Variants in L3MBTL3 observed in about 807,000 individuals in gnomAD.
The protein encoded by L3MBTL3 is lethal(3)malignant brain tumor-like protein 3.
Under a neutral mutation model 102.3 loss-of-function variants are expected in L3MBTL3, and 27 were observed. That is an observed-to-expected ratio of 0.26 (90% CI 0.19 to 0.36). The LOEUF (loss-of-function observed/expected upper bound fraction) is 0.36, where lower values mean the gene tolerates loss of function less well. Ranked by LOEUF, L3MBTL3 falls within the 10% of genes least tolerant of loss-of-function variation. L3MBTL3 has a pLI of 1.00. For missense variants in L3MBTL3, 798 were observed against 955.3 expected (o/e 0.84, Z 2.17); for synonymous variants, 340 against 320.9 (o/e 1.06, Z -0.64).
Position 130,055,168 on chromosome 6 carries a change from T to A in L3MBTL3, c.583-3T>A, listed in dbSNP as rs1781384475. On this transcript the variant is annotated splice_polypyrimidine_tract_variant and splice_region_variant and intron_variant, in intron 7 of 22. Transcript: ENST00000361794. ...AAGTCATAATTTTCCTTTCTTTTTGTAGGAGAACAAACAAGATGTAAGAAT... is the reference window on the plus strand; with the variant it reads ...AAGTCATAATTTTCCTTTCTTTTTGAAGGAGAACAAACAAGATGTAAGAAT... 1 of 1,612,402 alleles carries A rather than the reference T, an allele frequency of 6.2e-7. No homozygotes were observed. Among genetic ancestry groups the A allele is most frequent in the African/African-American group, 1.3e-5 (1 of 74,880 alleles).
chr6:130,020,464 T>C (rs1778922512), intron 1 of L3MBTL3: 1 of 151,944 alleles, frequency 6.6e-6, no homozygotes, highest in South Asian at 2.1e-4. Context: ...GCCCTGCGAT[T>C]CCCCCCTCCC....
intron 6 of L3MBTL3, among the ~76,000 whole-genome samples, chr6:130,052,111 CTT>C (rs374543945): frequency 4.8e-5 from 7 of 144,482 alleles, no homozygotes; most frequent in African/African-American, 1.3e-4. Flanking sequence ...TTTTCTTTTT[CTT>C]TTTTTTTTTT....
intron 18 of L3MBTL3, among the ~76,000 whole-genome samples, chr6:130,103,522 A>T (rs1784820457): frequency 6.6e-6 from 1 of 152,220 alleles, no homozygotes; most frequent in African/African-American, 2.4e-5. Flanking sequence ...CACTGAAGAA[A>T]AGAACATAGA....
intron 20 of L3MBTL3, among the ~76,000 whole-genome samples, chr6:130,129,655 T>C (rs1262994017): frequency 6.6e-6 from 1 of 152,210 alleles, no homozygotes; most frequent in Non-Finnish European, 1.5e-5. Context: ...TTCAGAAATA[T>C]AGAAAACTTC....
intron 13 of L3MBTL3, among the ~76,000 whole-genome samples, chr6:130,074,159 T>A (rs4429972): frequency 0.97 from 146,967 of 152,272 alleles, 71,189 homozygotes; most frequent in Middle Eastern, 1. Context: ...TTTGCTTTGA[T>A]TTGAATAGTA....
At chr6:130,083,742 A>G (rs1209455575) in intron 15 of L3MBTL3, 37 bp downstream of exon 15, 1 of 1,047,142 alleles carries the variant, frequency 9.5e-7, no homozygotes. Flanking sequence ...CGTGGATGAG[A>G]TCATTTATTT....
At chr6:130,062,590 C>T (rs1406795588) in intron 10 of L3MBTL3, among the ~76,000 whole-genome samples, 1 of 146,882 alleles carries the variant, frequency 6.8e-6, no homozygotes, top group Non-Finnish European at 1.5e-5. Context: ...AAATGGGGTC[C>T]TGCAATGTTG....
At chr6:130,064,896 A>G (rs1249549576) in intron 10 of L3MBTL3, among the ~76,000 whole-genome samples, 1 of 152,210 alleles carries the variant, frequency 6.6e-6, no homozygotes, top group Admixed American at 6.5e-5. Context: ...ACAAGGAACT[A>G]GAGGCTGTAA....
At chr6:130,114,354 A>G (rs1403140170) in intron 19 of L3MBTL3, among the ~76,000 whole-genome samples, 1 of 152,164 alleles carries the variant, frequency 6.6e-6, no homozygotes, top group African/African-American at 2.4e-5. Context: ...AATATCACCA[A>G]TTTCTGACTC....
intron 20 of L3MBTL3, 63 bp downstream of exon 20, chr6:130,121,021 T>G (rs1391808373): frequency 1.0e-6 from 1 of 967,694 alleles, no homozygotes; most frequent in Non-Finnish European, 1.6e-6. Context: ...AATCAAAGCC[T>G]TAACTGGAAT....
Position 130,052,851 on chromosome 6 carries a change from C to T in L3MBTL3, c.450-8C>T. 1.9e-6 allele frequency: 3 copies of T among 1,609,966 alleles called. No homozygotes were observed. The highest frequency in any genetic ancestry group is 2.5e-6 in the Non-Finnish European group (3 of 1,177,606). ...CTTGTCACTATTTTGGGTTTATAAACACAACAGAGATCAGAAGGAAGAAAG... is the reference window on the plus strand; with the variant it reads ...CTTGTCACTATTTTGGGTTTATAAATACAACAGAGATCAGAAGGAAGAAAG... On this transcript the variant is annotated splice_polypyrimidine_tract_variant and splice_region_variant and intron_variant, in intron 6 of 22. Transcript: ENST00000361794.
chr6:130,083,217 C>T (rs913058572), intron 14 of L3MBTL3, among the ~76,000 whole-genome samples: 5 of 152,046 alleles, frequency 3.3e-5, no homozygotes, highest in African/African-American at 1.2e-4. Flanking sequence ...TGCTTATGTA[C>T]ATTTTTTTGC....
At chr6:130,042,823 C>T (rs754425629) in intron 3 of L3MBTL3, 22 bp downstream of exon 3, 2 of 1,455,426 alleles carry the variant, frequency 1.4e-6, no homozygotes, top group Non-Finnish European at 1.9e-6. Context: ...TTATTACATA[C>T]AATTATGTGT....
At chr6:130,095,555 A>G (rs1784314667) in intron 18 of L3MBTL3, among the ~76,000 whole-genome samples, 1 of 152,208 alleles carries the variant, frequency 6.6e-6, no homozygotes, top group Non-Finnish European at 1.5e-5. Context: ...CTGGATTTTC[A>G]GCCATTATGT....
At chr6:130,103,297 G>A (rs1784806855) in intron 18 of L3MBTL3, among the ~76,000 whole-genome samples, 1 of 152,200 alleles carries the variant, frequency 6.6e-6, no homozygotes, top group African/African-American at 2.4e-5. Context: ...AGATACCAGT[G>A]TAGACTAGCA....
chr6:130,108,220 GTT>G (rs376419261), intron 19 of L3MBTL3, among the ~76,000 whole-genome samples: 2 of 118,706 alleles, frequency 1.7e-5, no homozygotes, highest in Non-Finnish European at 3.6e-5. Context: ...ATGTTAGGTG[GTT>G]TTTTTTTTGT....
chr6:130,092,223 G>A (rs1784096510), intron 16 of L3MBTL3, among the ~76,000 whole-genome samples: 1 of 151,946 alleles, frequency 6.6e-6, no homozygotes, highest in Non-Finnish European at 1.5e-5. Context: ...AAACACACTG[G>A]GTGGAGGGAT....
At chr6:130,032,153 A>T (rs1380253587) in intron 2 of L3MBTL3, among the ~76,000 whole-genome samples, 1 of 152,062 alleles carries the variant, frequency 6.6e-6, no homozygotes, top group Non-Finnish European at 1.5e-5. Flanking sequence ...GCCTCAGGTG[A>T]TCCTCCGAAA....
At position 130,051,242 on chromosome 6, in the gene L3MBTL3, C is replaced by G; in HGVS notation, c.290-7C>G. The G allele has an allele frequency of 6.2e-7, 1 of 1,601,036 alleles. No homozygotes were observed. ...TGTAATTTGCATTTCTTCTTTTCAT[C>G]TTCTAGTCTTTTCAGAGAAGACTGG... On this transcript the variant is annotated splice_region_variant and splice_polypyrimidine_tract_variant and intron_variant, in intron 5 of 22. Transcript: ENST00000361794.
Sources: allele counts gnomAD v4.1 joint callset (sites outside exome capture counted in the v4.1 genomes callset), GRCh38; gene constraint gnomAD v4.1.1; transcripts MANE v1.5; gene names NCBI Gene and HGNC (gene_info 2026-07-23, HGNC 2026-07-21).